CREB5: variants seen among roughly 807,000 people sequenced by gnomAD.
CREB5 encodes cyclic AMP-responsive element-binding protein 5.
CREB5 carries 19 observed loss-of-function variants against 57.1 expected under a neutral mutation model. The ratio of observed to expected loss-of-function variants is 0.33; its 90% CI spans 0.23 to 0.49. CREB5 has a LOEUF of 0.49. CREB5 is among the 20% of genes least tolerant of loss of function. CREB5 has a pLI of 0.99. For synonymous variants in CREB5, 238 were observed against 238.3 expected (o/e 1.00, Z 0.01); for missense variants, 579 against 671.6 (o/e 0.86, Z 1.52).
chr7:28,341,248 A>T (rs1785931120), intron 1 of CREB5, among the ~76,000 whole-genome samples: 1 of 152,104 alleles, frequency 6.6e-6, no homozygotes, highest in African/African-American at 2.4e-5. Context: ...ACTATATCAT[A>T]AGCATTTTTT....
chr7:28,443,048 A>G (rs778090375), intron 1 of CREB5, among the ~76,000 whole-genome samples: 36 of 152,222 alleles, frequency 2.4e-4, no homozygotes, highest in Non-Finnish European at 4.9e-4. Context: ...TCTATAAGGT[A>G]AAGTCAAGAA....
intron 5 of CREB5, among the ~76,000 whole-genome samples, chr7:28,668,904 T>G (rs1583511199): frequency 6.6e-6 from 1 of 152,172 alleles, no homozygotes; most frequent in Non-Finnish European, 1.5e-5. Flanking sequence ...GCTGGGGCCC[T>G]CTTGCTGACC....
chr7:28,483,518 G>C (rs551550090), intron 1 of CREB5, among the ~76,000 whole-genome samples: 1 of 152,032 alleles, frequency 6.6e-6, no homozygotes, highest in Non-Finnish European at 1.5e-5. Flanking sequence ...TTTTTTTCTA[G>C]TTGACTGTTG....
chr7:28,456,832 T>C (rs1281175575), intron 1 of CREB5, among the ~76,000 whole-genome samples: 1 of 152,268 alleles, frequency 6.6e-6, no homozygotes, highest in Non-Finnish European at 1.5e-5. Flanking sequence ...ACCCCCTTCT[T>C]GTTTGGCAAC....
At position 28,412,605 on chromosome 7, in the gene CREB5, G is replaced by T; in HGVS notation, c.-310G>T. 3.6e-6 allele frequency: 1 copy of T among 276,782 alleles called. No homozygotes were observed. Among genetic ancestry groups the T allele is most frequent in the Non-Finnish European group, 6.7e-6 (1 of 149,270 alleles). 17.1% of individuals were successfully genotyped at this position (276,782 alleles called of 1,614,324 possible). On this transcript the variant is annotated 5_prime_UTR_variant, in exon 1 of 11. Transcript: ENST00000357727. The stretch of plus-strand genomic sequence containing the variant: ...ATTTTTAGTCACATTTTCCATGTCA[G>T]TTAAATCTAGGGAGTTCAAGACTAC...
intron 1 of CREB5, among the ~76,000 whole-genome samples, chr7:28,355,811 A>G (rs1418146769): frequency 6.6e-6 from 1 of 152,232 alleles, no homozygotes; most frequent in African/African-American, 2.4e-5. Flanking sequence ...AAATGTAATA[A>G]GAGGAGGCTC....
intron 1 of CREB5, among the ~76,000 whole-genome samples, chr7:28,357,156 C>T (rs1786362992): frequency 1.3e-5 from 2 of 152,166 alleles, no homozygotes; most frequent in African/African-American, 4.8e-5. Context: ...TCCCACTCTC[C>T]AGAGAGAGTT....
At chr7:28,699,859 C>G (rs1260790339) in intron 5 of CREB5, among the ~76,000 whole-genome samples, 1 of 152,066 alleles carries the variant, frequency 6.6e-6, no homozygotes, top group African/African-American at 2.4e-5. Flanking sequence ...TCCCACTTAC[C>G]CCAAATGTCT....
chr7:28,824,913 T>C lies in CREB5; in HGVS notation c.*5634T>C, dbSNP rs1809978679. The C allele has an allele frequency of 6.6e-6, 1 of 152,630 alleles. No homozygotes were observed. The highest frequency in any genetic ancestry group is 1.5e-5 in the Non-Finnish European group (1 of 68,032). 9.5% of individuals were successfully genotyped at this position (152,630 alleles called of 1,614,324 possible). A position where few individuals can be genotyped will look rare whatever the true frequency, so the allele number is the denominator to read the frequency against. Reference sequence around the variant, plus strand: ...ATCAATAATTACCAACTGTTGTATTTAGACCAACTTACAATATCTAGCTCA... The same window carrying C: ...ATCAATAATTACCAACTGTTGTATTCAGACCAACTTACAATATCTAGCTCA... On this transcript the variant is annotated 3_prime_UTR_variant, in exon 11 of 11. Transcript: ENST00000357727.
At chr7:28,656,643 G>C (rs1326178724) in intron 5 of CREB5, among the ~76,000 whole-genome samples, 2 of 152,186 alleles carry the variant, frequency 1.3e-5, no homozygotes, top group Non-Finnish European at 2.9e-5. Flanking sequence ...GTCAGTCCAA[G>C]CTCCTGACCT....
At chr7:28,412,139 C>T (rs1787826851), upstream of CREB5, among the ~76,000 whole-genome samples, 1 of 152,102 alleles carries the variant, frequency 6.6e-6, no homozygotes, top group African/African-American at 2.4e-5. Context: ...AGGCATGCAC[C>T]CAGGGACAAC....
chr7:28,555,120 T>TGTGTGTGTGTGTGTGA (rs1554342983), intron 4 of CREB5, among the ~76,000 whole-genome samples: 1 of 151,998 alleles, frequency 6.6e-6, no homozygotes, highest in Non-Finnish European at 1.5e-5. Flanking sequence ...TGTGTGTGTG[T>TGTGTGTGTGTGTGTGA]GTGTGTAAAT....
At chr7:28,693,607 G>A (rs1801388362) in intron 5 of CREB5, among the ~76,000 whole-genome samples, 1 of 152,166 alleles carries the variant, frequency 6.6e-6, no homozygotes, top group Admixed American at 6.5e-5. Flanking sequence ...AATATGGCCA[G>A]ATGAGATTGG....
intron 1 of CREB5, among the ~76,000 whole-genome samples, chr7:28,331,254 A>T (rs1406658887): frequency 1.3e-5 from 2 of 151,884 alleles, no homozygotes; most frequent in Non-Finnish European, 2.9e-5. Flanking sequence ...CATCCATCCC[A>T]TGAAAATTCA....
rs150821711 is a variant in CREB5, at chr7:28,791,338, G to A, written c.703-12861G>A. Reference sequence around the variant, plus strand: ...ACTTGCTTTCTTTCTTGCTACTCTCGCGCATCTTCCTTCTTTCTCTCTGTC... The same window carrying A: ...ACTTGCTTTCTTTCTTGCTACTCTCACGCATCTTCCTTCTTTCTCTCTGTC... On this transcript the variant is annotated intron_variant, in intron 7 of 10. Transcript: ENST00000357727. Among the ~76,000 whole-genome samples the A allele has an allele frequency of 3.8e-3, 576 of 152,156 alleles. 11 individuals carry two copies. Among genetic ancestry groups the A allele is most frequent in the African/African-American group, 0.013 (558 of 41,500 alleles).
chr7:28,662,803 A>G (rs746200674), intron 5 of CREB5, among the ~76,000 whole-genome samples: 2 of 152,226 alleles, frequency 1.3e-5, no homozygotes, highest in Non-Finnish European at 2.9e-5. Flanking sequence ...TTTACTATTT[A>G]GTACTCATTG....
At chr7:28,306,743 A>G (rs11972320) in intron 1 of CREB5, among the ~76,000 whole-genome samples, 3,664 of 151,794 alleles carry the variant, frequency 0.024, 71 homozygotes, top group African/African-American at 0.083. Flanking sequence ...TGTATTTTTT[A>G]GTAGAGACGG....
intron 5 of CREB5, among the ~76,000 whole-genome samples, chr7:28,718,201 G>T (rs1354811213): frequency 2.0e-5 from 3 of 152,234 alleles, no homozygotes; most frequent in Non-Finnish European, 4.4e-5. Context: ...CCAGGATCCG[G>T]CTTCTTTGGT....
At chr7:28,639,823 A>T (rs903110641) in intron 5 of CREB5, among the ~76,000 whole-genome samples, 4 of 152,244 alleles carry the variant, frequency 2.6e-5, no homozygotes, top group Admixed American at 2.6e-4. Context: ...GACCAGCAGC[A>T]GTGTTGTAGA....
Sources: allele counts gnomAD v4.1 joint callset (sites outside exome capture counted in the v4.1 genomes callset), GRCh38; gene constraint gnomAD v4.1.1; transcripts MANE v1.5; gene names NCBI Gene and HGNC (gene_info 2026-07-23, HGNC 2026-07-21).